UGT2B15: variants seen among roughly 807,000 people sequenced by gnomAD.
UGT2B15 encodes UDP-glucuronosyltransferase 2B15.
Under a neutral mutation model 45.9 loss-of-function variants are expected in UGT2B15, and 36 were observed. That is an observed-to-expected ratio of 0.78 (90% CI 0.60 to 1.04). The LOEUF is 1.04. UGT2B15 is among the 50% of genes least tolerant of loss of function. UGT2B15 has a pLI of 0.00. For synonymous variants in UGT2B15, 219 were observed against 216.4 expected (o/e 1.01, Z -0.11); for missense variants, 617 against 622.4 (o/e 0.99, Z 0.09).
intron 5 of UGT2B15, 75 bp downstream of exon 5, chr4:68,653,962 A>C: frequency 2.6e-6 from 4 of 1,568,254 alleles, no homozygotes; most frequent in Non-Finnish European, 3.5e-6. Flanking sequence ...TCTCTTAAAA[A>C]CGGGTTAAAA....
chr4:68,665,786 C>G (rs1578200423), intron 2 of UGT2B15, among the ~76,000 whole-genome samples: 2 of 152,170 alleles, frequency 1.3e-5, no homozygotes, highest in South Asian at 4.1e-4. Flanking sequence ...GAGGCTCACA[C>G]TTGTAATCCC....
At chr4:68,667,298 A>T (rs1201156129) in intron 2 of UGT2B15, among the ~76,000 whole-genome samples, 1 of 151,740 alleles carries the variant, frequency 6.6e-6, no homozygotes, top group Non-Finnish European at 1.5e-5. Context: ...AGTAGCTACG[A>T]CTATGAGACT....
chr4:68,662,701 T>C (rs1733000629), intron 3 of UGT2B15, among the ~76,000 whole-genome samples: 1 of 151,454 alleles, frequency 6.6e-6, no homozygotes, highest in Admixed American at 6.6e-5. Context: ...AAGGAGCAAA[T>C]GACAGGGCAG....
chr4:68,663,642 G>T (rs1042163648), intron 2 of UGT2B15, among the ~76,000 whole-genome samples: 1 of 151,924 alleles, frequency 6.6e-6, no homozygotes, highest in Non-Finnish European at 1.5e-5. Context: ...TTGAGGAAAA[G>T]TTAGTTACAA....
chr4:68,661,127 T>C (rs1454066642), intron 3 of UGT2B15, among the ~76,000 whole-genome samples: 3 of 152,032 alleles, frequency 2.0e-5, no homozygotes, highest in African/African-American at 7.2e-5. Context: ...AGACTCATTT[T>C]CTTCTAAAAT....
chr4:68,664,568 C>T (rs1733063909), intron 2 of UGT2B15, among the ~76,000 whole-genome samples: 1 of 149,996 alleles, frequency 6.7e-6, no homozygotes, highest in East Asian at 2.1e-4. Flanking sequence ...AACTTTATGA[C>T]ATCTTTTTTT....
At chr4:68,656,446 T>C (rs1732809895) in intron 3 of UGT2B15, among the ~76,000 whole-genome samples, 1 of 151,584 alleles carries the variant, frequency 6.6e-6, no homozygotes, top group African/African-American at 2.4e-5. Context: ...TGATGAACTT[T>C]ACCTGACTTG....
In UGT2B15 at chr4:68,670,232, T is replaced by C; in HGVS notation, c.387A>G (p.Lys129=). The C allele has an allele frequency of 1.2e-6, 2 of 1,613,888 alleles. No individual in the cohort carries two copies. The highest frequency in any genetic ancestry group is 1.7e-6 in the Non-Finnish European group (2 of 1,179,962). The part of the protein sequence containing the change: ...EYYDYSNKLC[K]DAVLNKKLMM... ...TAAGTTTCTTATTCAAAACTGCATC[T>C]TTACAGAGCTTGTTACTGTAGTCAT... Residue 129 remains lysine, a synonymous_variant, in exon 1 of 6, where the codon AAA becomes AAG. Coordinates refer to ENST00000338206, the MANE Select transcript of UGT2B15 (RefSeq NM_001076.4).
At chr4:68,664,278 A>G (rs1317359355) in intron 2 of UGT2B15, among the ~76,000 whole-genome samples, 1 of 149,480 alleles carries the variant, frequency 6.7e-6, no homozygotes, top group African/African-American at 2.4e-5. Context: ...AAAAAAAAAA[A>G]AGAGAGAGAG....
intron 4 of UGT2B15, among the ~76,000 whole-genome samples, chr4:68,654,860 G>C (rs541930635): frequency 9.2e-5 from 14 of 152,080 alleles, no homozygotes; most frequent in African/African-American, 3.1e-4. Flanking sequence ...AATTACACCT[G>C]AACAAAGAGA....
chr4:68,652,462 T>C (rs1410124042), intron 5 of UGT2B15, among the ~76,000 whole-genome samples: 1 of 151,586 alleles, frequency 6.6e-6, no homozygotes, highest in East Asian at 1.9e-4. Flanking sequence ...TTTACTTTCT[T>C]ACTTTTTTTG....
chr4:68,668,527 T>G (rs1360974782), intron 1 of UGT2B15, among the ~76,000 whole-genome samples: 1 of 151,740 alleles, frequency 6.6e-6, no homozygotes, highest in Non-Finnish European at 1.5e-5. Flanking sequence ...AAATCTCCTC[T>G]CATCTTGAAT....
intron 2 of UGT2B15, among the ~76,000 whole-genome samples, chr4:68,667,418 A>G: frequency 6.6e-6 from 1 of 151,714 alleles, no homozygotes; most frequent in Non-Finnish European, 1.5e-5. Flanking sequence ...CCAAGCAATC[A>G]TGCCTTCTCT....
In UGT2B15 at chr4:68,670,250, G is replaced by C. The variant is rs141652131; in HGVS notation, c.369C>G (p.Tyr123Ter). ...LQELCWEYYD[Y>*]SNKLCKDAVL... ...CTGCATCTTTACAGAGCTTGTTACT[G>C]TAGTCATAATATTCCCAACACAATT... Residue 123 changes from tyrosine (Y) to a stop codon, truncating the protein, a stop_gained, in exon 1 of 6, where the codon TAC becomes TAG. Transcript: ENST00000338206. LOFTEE classifies it high-confidence loss of function. 30 of 1,613,792 alleles carry C rather than the reference G, an allele frequency of 1.9e-5. No homozygotes were observed. Among genetic ancestry groups the C allele is most frequent in the Admixed American group, 1.3e-4 (8 of 59,936 alleles).
intron 4 of UGT2B15, among the ~76,000 whole-genome samples, chr4:68,654,784 A>G (rs1732755473): frequency 6.6e-6 from 1 of 151,992 alleles, no homozygotes; most frequent in Admixed American, 6.6e-5. Flanking sequence ...GAAAGAACAG[A>G]GGTAAAGCTG....
At chr4:68,667,087 T>C (rs1333255506) in intron 2 of UGT2B15, among the ~76,000 whole-genome samples, 8 of 151,988 alleles carry the variant, frequency 5.3e-5, no homozygotes, top group Non-Finnish European at 1.0e-4. Flanking sequence ...TAAATTAAAT[T>C]TGGAGTTCCT....
intron 3 of UGT2B15, among the ~76,000 whole-genome samples, chr4:68,658,745 G>A (rs1007778464): frequency 6.6e-6 from 1 of 151,880 alleles, no homozygotes; most frequent in African/African-American, 2.4e-5. Context: ...AACCATAAAG[G>A]GTGTGAAATG....
chr4:68,661,357 G>A (rs1732961190), intron 3 of UGT2B15, among the ~76,000 whole-genome samples: 1 of 151,906 alleles, frequency 6.6e-6, no homozygotes, highest in Non-Finnish European at 1.5e-5. Flanking sequence ...TAAATGTACT[G>A]AGACCTGTAT....
At position 68,653,252 on chromosome 4, in the gene UGT2B15, A is replaced by C. The variant is rs186334939; in HGVS notation, c.1313+785T>G. On this transcript the variant is annotated intron_variant, in intron 5 of 5. Coordinates refer to ENST00000338206, the MANE Select transcript of UGT2B15 (RefSeq NM_001076.4). ...ATTGGAAAGACCTAAAATGTCCATGACCTGATAAATGGGTAATTTTGGTAT... is the reference window on the plus strand; with the variant it reads ...ATTGGAAAGACCTAAAATGTCCATGCCCTGATAAATGGGTAATTTTGGTAT... Among the ~76,000 whole-genome samples, 70 of 152,204 alleles carry C rather than the reference A, an allele frequency of 4.6e-4. 1 individual carries two copies. The highest frequency in any genetic ancestry group is 1.5e-3 in the African/African-American group (64 of 41,548).
Sources: allele counts gnomAD v4.1 joint callset (sites outside exome capture counted in the v4.1 genomes callset), GRCh38; gene constraint gnomAD v4.1.1; transcripts MANE v1.5; gene names NCBI Gene and HGNC (gene_info 2026-07-23, HGNC 2026-07-21).